AMHR2: variants seen among roughly 807,000 people sequenced by gnomAD.
The protein encoded by AMHR2 is anti-Mullerian hormone receptor type 2.
AMHR2 carries 36 observed loss-of-function variants against 61.4 expected under a neutral mutation model. The observed-to-expected ratio is 0.59, with a 90% CI of 0.45 to 0.77. The LOEUF (loss-of-function observed/expected upper bound fraction) is 0.77. Among genes scored for constraint, AMHR2 ranks in the 30% least tolerant of loss-of-function variants. AMHR2 has a pLI of 0.00. For missense variants in AMHR2, 638 were observed against 714.6 expected, an observed-to-expected ratio of 0.89 and a Z score of 1.22; for synonymous variants, 258 against 279.4, an observed-to-expected ratio of 0.92 and a Z score of 0.76.
chr12:53,424,102 G>A, intron 1 of AMHR2, 119 bp downstream of exon 1: 11 of 1,374,276 alleles, frequency 8.0e-6, no homozygotes, highest in East Asian at 2.3e-5. Flanking sequence ...TAAGGGTGAA[G>A]GATAGAGCCA....
intron 7 of AMHR2, 109 bp downstream of exon 7, chr12:53,429,119 A>G (rs1052395346): frequency 8.0e-5 from 83 of 1,032,910 alleles, no homozygotes; most frequent in Middle Eastern, 5.5e-4. Context: ...AGAGCCGGGC[A>G]CGGTGGCTCA....
At chr12:53,430,560 C>A (rs1592608360) in intron 10 of AMHR2, 1 of 537,652 alleles carries the variant, frequency 1.9e-6, no homozygotes, top group East Asian at 3.4e-5. Context: ...ATCAGTTAGC[C>A]CTGTTCCTCA....
At chr12:53,428,721 C>T (rs777352969) in intron 6 of AMHR2, among the ~76,000 whole-genome samples, 175 bp from the exon 7 acceptor site, 29 of 152,180 alleles carry the variant, frequency 1.9e-4, no homozygotes, top group Non-Finnish European at 3.4e-4. Flanking sequence ...TACTATTTTT[C>T]ATGTCAATTG....
intron 6 of AMHR2, 76 bp downstream of exon 6, chr12:53,425,995 G>T: frequency 7.1e-7 from 1 of 1,408,168 alleles, no homozygotes; most frequent in Non-Finnish European, 9.9e-7. Context: ...ATGGCAGCTG[G>T]GCCCTGTTGA....
chr12:53,424,276 C>T lies in AMHR2; in HGVS notation c.50-12C>T. ...ACCTTGAATCTTTTCCTTTCCCCAC[C>T]CTGGGCCTCAGCACCCCCAAACAGG... On this transcript the variant is annotated splice_polypyrimidine_tract_variant and intron_variant, in intron 1 of 10. Transcript: ENST00000257863. 2 of 1,612,298 alleles carry T rather than the reference C, an allele frequency of 1.2e-6. No individual in the cohort carries two copies. The highest frequency in any genetic ancestry group is 1.7e-6 in the Non-Finnish European group (2 of 1,179,982).
At chr12:53,430,321 TG>T in intron 10 of AMHR2, 39 bp downstream of exon 10, 1 of 1,613,830 alleles carries the variant, frequency 6.2e-7, no homozygotes, top group South Asian at 1.1e-5. Flanking sequence ...ACCTGGAGAG[TG>T]GGGGCTGGGC....
At chr12:53,424,216 C>G (rs1057153428) in intron 1 of AMHR2, 72 bp from the exon 2 acceptor site, 2 of 1,588,092 alleles carry the variant, frequency 1.3e-6, no homozygotes, top group African/African-American at 2.7e-5. Flanking sequence ...TTTGTCTATT[C>G]TTTTGGCCAG....
intron 6 of AMHR2, among the ~76,000 whole-genome samples, chr12:53,427,712 G>A (rs1043885799): frequency 5.9e-5 from 9 of 152,078 alleles, no homozygotes; most frequent in East Asian, 1.9e-4. Flanking sequence ...CATGCTACAC[G>A]CTTTAAACAC....
rs1355199711 is a variant in AMHR2, at chr12:53,429,315, C to G, written c.968-138C>G. ...GCTGAGGCAGGAGAATCACTTGAAC[C>G]CGGGAGGCGGAGGTTGCAGTGAGCC... On this transcript the variant is annotated intron_variant, in intron 7 of 10. Coordinates refer to ENST00000257863, the MANE Select transcript of AMHR2 (RefSeq NM_020547.3). 8.6e-6 allele frequency: 8 copies of G among 927,914 alleles called. No individual in the cohort carries two copies. The East Asian group carries it at 1.6e-4, about 18-fold the overall frequency. 57.5% of individuals were successfully genotyped at this position (927,914 alleles called of 1,614,324 possible). A position where few individuals can be genotyped will look rare whatever the true frequency, so the allele number is the denominator to read the frequency against.
Position 53,425,567 on chromosome 12 carries a change from C to T in AMHR2, c.615C>T (p.Phe205=), listed in dbSNP as rs1939500281. ...VELQELPELC[F]SQVIREGGHA... ...TGCAGGAGCTGCCTGAGCTGTGTTT[C>T]TCCCAGGTGCCCCAGGGAGGGAGAG... Residue 205 remains phenylalanine, a synonymous_variant, in exon 5 of 11, where the codon TTC becomes TTT. Coordinates refer to ENST00000257863, the MANE Select transcript of AMHR2 (RefSeq NM_020547.3). 1 of 1,613,994 alleles carries T rather than the reference C, an allele frequency of 6.2e-7. No homozygotes were observed. The highest frequency in any genetic ancestry group is 8.5e-7 in the Non-Finnish European group (1 of 1,180,004).
At position 53,425,520 on chromosome 12, in the gene AMHR2, G is replaced by A; in HGVS notation, c.568G>A (p.Gly190Ser). The A allele has an allele frequency of 6.2e-7, 1 of 1,614,096 alleles. No homozygotes were observed. Among genetic ancestry groups the A allele is most frequent in the Non-Finnish European group, 8.5e-7 (1 of 1,180,042 alleles). ...EPVPEPRPDS[G>S]RDWSVELQEL... ...AGTGCCAGAGCCAAGGCCAGACTCA[G>A]GCAGGGACTGGAGTGTGGAGCTGCA... Residue 190 changes from glycine to serine, a missense_variant, in exon 5 of 11, where the codon GGC (glycine) becomes AGC (serine). Gly to Ser is a moderately conservative substitution (Grantham distance 56). Transcript: ENST00000257863.
Position 53,429,945 on chromosome 12 carries a change from G to C in AMHR2, c.1255G>C (p.Glu419Gln). ...TTACTCTTTGGCTCTGCTCCTGTGG[G>C]AGATACTGAGCCGCTGCCCAGATTT... ...DIYSLALLLW[E>Q]ILSRCPDLRP... Residue 419 changes from glutamate to glutamine, a missense_variant, in exon 9 of 11, where the codon GAG becomes CAG. Glu to Gln is a conservative substitution (Grantham distance 29). Coordinates refer to ENST00000257863, the MANE Select transcript of AMHR2 (RefSeq NM_020547.3). 6 of 1,614,206 alleles carry C rather than the reference G, an allele frequency of 3.7e-6. No individual in the cohort carries two copies. Among genetic ancestry groups the C allele is most frequent in the Non-Finnish European group, 5.1e-6 (6 of 1,180,028 alleles).
chr12:53,430,067 G>A (rs577266252), intron 9 of AMHR2, 79 bp from the exon 10 acceptor site: 1 of 1,614,064 alleles, frequency 6.2e-7, no homozygotes, highest in Non-Finnish European at 8.5e-7. Flanking sequence ...AGAAAGCTCT[G>A]CTCTTCCCTG....
At chr12:53,428,792 C>T (rs1393337984) in intron 6 of AMHR2, 104 bp from the exon 7 acceptor site, 9 of 798,844 alleles carry the variant, frequency 1.1e-5, no homozygotes, top group Non-Finnish European at 1.7e-5. Flanking sequence ...TGTCTGTCTG[C>T]TGGGGAGATG....
Position 53,425,974 on chromosome 12 carries a change from G to A in AMHR2, c.852+55G>A, listed in dbSNP as rs188490937. 1.6e-4 allele frequency: 242 copies of A among 1,536,548 alleles called. No homozygotes were observed. The African/African-American group carries it at 2.9e-3, about 18-fold the overall frequency. ...TGTGTGCCTGTGTGTATGTATAGAG[G>A]TGGGGGCTACATGGCAGCTGGGCCC... On this transcript the variant is annotated intron_variant, in intron 6 of 10. Coordinates refer to ENST00000257863, the MANE Select transcript of AMHR2 (RefSeq NM_020547.3).
chr12:53,431,057 C>T (rs1208600346), intron 10 of AMHR2, 120 bp from the exon 11 acceptor site: 23 of 1,282,576 alleles, frequency 1.8e-5, no homozygotes, highest in Non-Finnish European at 2.4e-5. Context: ...AGGGAGGCTC[C>T]AGGAAAGATC....
chr12:53,431,045 G>T, intron 10 of AMHR2, 132 bp from the exon 11 acceptor site: 1 of 1,167,518 alleles, frequency 8.6e-7, no homozygotes. Context: ...AAGAGGGAGA[G>T]GAGGGAGGCT....
rs368193312 is a variant in AMHR2, at chr12:53,429,522, C to T, written c.1037C>T (p.Ser346Leu). The change falls in exon 8 of 11, where the codon TCG becomes TTG. Residue 346 changes from serine (S) to leucine (L), a missense_variant. Coordinates refer to ENST00000257863, the MANE Select transcript of AMHR2 (RefSeq NM_020547.3). ...AATGTGCTCATTCGGGAAGATGGAT[C>T]GTGTGCCATTGGAGACCTGGGCCTT... ...SQNVLIREDG[S>L]CAIGDLGLAL... 4.7e-5 allele frequency: 76 copies of T among 1,613,790 alleles called. No individual in the cohort carries two copies. The highest frequency in any genetic ancestry group is 2.5e-4 in the Admixed American group (15 of 59,960).
chr12:53,429,573 AGCCCCCT>A lies in AMHR2; in HGVS notation c.1092_1098del (p.Pro365GlyfsTer55), dbSNP rs1420746736. 1 of 1,613,914 alleles carries A rather than the reference AGCCCCCT, an allele frequency of 6.2e-7. No individual in the cohort carries two copies. Among genetic ancestry groups the A allele is most frequent in the Admixed American group, 1.7e-5 (1 of 59,974 alleles). ...GCCTTGGTGCTCCCTGGCCTCACTCAGCCCCCTGCCTGGACCCCTACTCAACCACAAG... is the reference window on the plus strand; with the variant it reads ...GCCTTGGTGCTCCCTGGCCTCACTCAGCCTGGACCCCTACTCAACCACAAG... On this transcript the variant is annotated frameshift_variant, in exon 8 of 11. Transcript: ENST00000257863. LOFTEE classifies it high-confidence loss of function.
Sources: gnomAD v4.1 joint callset for allele counts (sites outside exome capture counted in the v4.1 genomes callset) on GRCh38, gnomAD v4.1.1 for gene constraint, MANE v1.5 for transcripts, NCBI Gene and HGNC (gene_info 2026-07-23, HGNC 2026-07-21) for gene names.